The following POU2F1 variants were observed in gnomAD, a reference collection of about 807,000 sequenced individuals.
The protein encoded by POU2F1 is POU domain, class 2, transcription factor 1.
Under a neutral mutation model 84.9 loss-of-function variants are expected in POU2F1, and 16 were observed. That is an observed-to-expected ratio of 0.19 (90% confidence interval 0.13 to 0.29). The LOEUF (loss-of-function observed/expected upper bound fraction) is 0.29. Ranked by LOEUF, POU2F1 falls within the 10% of genes least tolerant of loss-of-function variation. POU2F1 has a pLI of 1.00. For missense variants in POU2F1, 738 were observed against 942.6 expected, an observed-to-expected ratio of 0.78 and a Z score of 2.84; for synonymous variants, 368 against 368.3, an observed-to-expected ratio of 1.00 and a Z score of 0.01.
At chr1:167,407,483 C>T (rs1649663067) in intron 13 of POU2F1, among the ~76,000 whole-genome samples, 1 of 152,104 alleles carries the variant, frequency 6.6e-6, no homozygotes, top group South Asian at 2.1e-4. Context: ...ATTTTCATGT[C>T]CTAATTTCAA....
In POU2F1 at chr1:167,423,482, T is replaced by A. The variant is rs1428951068; in HGVS notation, c.*7672T>A. ...AGTAGGTAATAGGGATGTTGAAGATTAGAGCACTTGAAACAGAAGTTCTGG... is the reference window on the plus strand; with the variant it reads ...AGTAGGTAATAGGGATGTTGAAGATAAGAGCACTTGAAACAGAAGTTCTGG... On this transcript the variant is annotated 3_prime_UTR_variant, in exon 16 of 16. Coordinates refer to ENST00000367866, the MANE Select transcript of POU2F1 (RefSeq NM_002697.4). The A allele has an allele frequency of 6.6e-6, 1 of 152,248 alleles. No individual in the cohort carries two copies. The highest frequency in any genetic ancestry group is 1.5e-5 in the Non-Finnish European group (1 of 68,040). 9.4% of individuals were successfully genotyped at this position (152,248 alleles called of 1,614,324 possible).
rs932554391 is a variant in POU2F1, at chr1:167,421,736, A to G, written c.*5926A>G. The G allele has an allele frequency of 2.0e-5, 3 of 152,228 alleles. No homozygotes were observed. The highest frequency in any genetic ancestry group is 2.9e-5 in the Non-Finnish European group (2 of 68,038). The allele number at this position is 152,228 out of a possible 1,614,324, so 9.4% of individuals were successfully genotyped here. ...CTCAGAATAGCTTAGCATTGTTGCA[A>G]AACTGGTTTTAAACTAAAAACCAAA... On this transcript the variant is annotated 3_prime_UTR_variant, in exon 16 of 16. Coordinates refer to ENST00000367866, the MANE Select transcript of POU2F1 (RefSeq NM_002697.4).
At chr1:167,240,483 A>G (rs1649819921) in intron 1 of POU2F1, among the ~76,000 whole-genome samples, 1 of 152,128 alleles carries the variant, frequency 6.6e-6, no homozygotes, top group Admixed American at 6.5e-5. Flanking sequence ...TTAAAGGTGG[A>G]AAAAATATTT....
intron 1 of POU2F1, among the ~76,000 whole-genome samples, chr1:167,323,994 A>G (rs1656515404): frequency 6.6e-6 from 1 of 152,148 alleles, no homozygotes; most frequent in Admixed American, 6.5e-5. Context: ...CACCCAGCCT[A>G]ATTACACAAT....
At chr1:167,371,409 CTT>C (rs1659992752) in intron 4 of POU2F1, among the ~76,000 whole-genome samples, 1 of 152,192 alleles carries the variant, frequency 6.6e-6, no homozygotes, top group South Asian at 2.1e-4. Flanking sequence ...GCCCCTCTCT[CTT>C]GACTGCAGCA....
At chr1:167,373,590 G>T (rs1230104867) in intron 5 of POU2F1, among the ~76,000 whole-genome samples, 1 of 152,172 alleles carries the variant, frequency 6.6e-6, no homozygotes, top group Non-Finnish European at 1.5e-5. Flanking sequence ...TTAGGGAGGG[G>T]CCTGTAGGGA....
intron 1 of POU2F1, among the ~76,000 whole-genome samples, chr1:167,278,786 C>T (rs72693617): frequency 0.041 from 3,529 of 86,288 alleles, 66 homozygotes; most frequent in Non-Finnish European, 0.06. Context: ...TTGGCTATCC[C>T]CTTCATTTGT....
intron 9 of POU2F1, among the ~76,000 whole-genome samples, chr1:167,391,995 G>A (rs1458376730): frequency 6.6e-6 from 1 of 152,118 alleles, no homozygotes; most frequent in Admixed American, 6.5e-5. Context: ...TTGTGAAGAA[G>A]CAAATTATCC....
rs1425009069 is a variant in POU2F1 at position 167,279,572 on chromosome 1, G to T, written c.62-52898G>T. On this transcript the variant is annotated intron_variant, in intron 1 of 15. Coordinates refer to ENST00000367866, the MANE Select transcript of POU2F1 (RefSeq NM_002697.4). Reference sequence around the variant, plus strand: ...CTGCAGCTTAAATGTTCCAGAGGGGGCCGTGCATGGTGGCTCACACCTGTA... The same window carrying T: ...CTGCAGCTTAAATGTTCCAGAGGGGTCCGTGCATGGTGGCTCACACCTGTA... 2.0e-5 allele frequency among the ~76,000 whole-genome samples: 3 copies of T among 152,184 alleles called. No individual in the cohort carries two copies. The South Asian group carries it at 6.2e-4, about 32-fold the overall frequency.
chr1:167,257,485 A>C (rs1651227930), intron 1 of POU2F1, among the ~76,000 whole-genome samples: 1 of 152,208 alleles, frequency 6.6e-6, no homozygotes, highest in South Asian at 2.1e-4. Flanking sequence ...TTCAGTTGAA[A>C]ATGTTGGAAC....
intron 2 of POU2F1, among the ~76,000 whole-genome samples, chr1:167,349,706 C>T (rs1357742249): frequency 6.6e-6 from 1 of 152,128 alleles, no homozygotes; most frequent in Non-Finnish European, 1.5e-5. Context: ...TTATTGAATA[C>T]AGCATTTATT....
intron 1 of POU2F1, among the ~76,000 whole-genome samples, chr1:167,264,386 T>A (rs1337352987): frequency 6.6e-6 from 1 of 152,130 alleles, no homozygotes; most frequent in Non-Finnish European, 1.5e-5. Context: ...GGGTATTAGA[T>A]GACCTCAAAG....
intron 2 of POU2F1, among the ~76,000 whole-genome samples, chr1:167,363,349 G>A (rs1428201080): frequency 2.0e-5 from 3 of 152,050 alleles, no homozygotes; most frequent in Non-Finnish European, 2.9e-5. Flanking sequence ...AATATATCTT[G>A]AGCATGTTTC....
chr1:167,410,003 A>G (rs1046459680), intron 13 of POU2F1, among the ~76,000 whole-genome samples: 7 of 152,164 alleles, frequency 4.6e-5, no homozygotes, highest in African/African-American at 1.7e-4. Context: ...GGGTATATGA[A>G]TCTGCCTAAC....
chr1:167,413,568 G>A (rs1277580012), intron 15 of POU2F1, among the ~76,000 whole-genome samples: 3 of 152,168 alleles, frequency 2.0e-5, no homozygotes, highest in Non-Finnish European at 2.9e-5. Flanking sequence ...ACAAACATTG[G>A]AACACATCAG....
chr1:167,318,834 GGGGGGTCCAGCCAAGTTACA>G (rs1176760642), intron 1 of POU2F1, among the ~76,000 whole-genome samples: 2 of 152,108 alleles, frequency 1.3e-5, no homozygotes, highest in Non-Finnish European at 2.9e-5. Context: ...ACCTCCACTG[GGGGGGTCCAGCCAAGTTACA>G]GGCCATAGAA....
chr1:167,368,415 A>AGT (rs1254699184), intron 3 of POU2F1, among the ~76,000 whole-genome samples: 1 of 151,904 alleles, frequency 6.6e-6, no homozygotes, highest in Non-Finnish European at 1.5e-5. Context: ...TTATTAAGGT[A>AGT]GTGTTTATTA....
chr1:167,292,219 GAAATGACAC>G lies in POU2F1; in HGVS notation c.62-40245_62-40237del, dbSNP rs1653975839. Among the ~76,000 whole-genome samples, 3 of 152,190 alleles carry G rather than the reference GAAATGACAC, an allele frequency of 2.0e-5. No individual in the cohort carries two copies. In the South Asian group the frequency reaches 6.2e-4, roughly 32 times the overall value. On this transcript the variant is annotated intron_variant, in intron 1 of 15. Transcript: ENST00000367866. ...ATATCTATTATATAAGTCAGAAGGAGAAATGACACAAATGCCAGTATACCAGTTCAAGAT... is the reference window on the plus strand; with the variant it reads ...ATATCTATTATATAAGTCAGAAGGAGAAATGCCAGTATACCAGTTCAAGAT...
intron 1 of POU2F1, among the ~76,000 whole-genome samples, chr1:167,271,469 A>G (rs1039571471): frequency 3.3e-5 from 5 of 152,256 alleles, no homozygotes; most frequent in African/African-American, 1.2e-4. Context: ...GCATAATAAG[A>G]TTGGTCAGAC....
Sources: allele counts gnomAD v4.1 joint callset (sites outside exome capture counted in the v4.1 genomes callset), GRCh38; gene constraint gnomAD v4.1.1; transcripts MANE v1.5; gene names NCBI Gene and HGNC (gene_info 2026-07-23, HGNC 2026-07-21).